Variants in SDK2 observed in about 807,000 individuals in gnomAD.
SDK2 encodes the protein sidekick cell adhesion molecule 2, also known as protein sidekick-2.
Under a neutral mutation model 253.9 loss-of-function variants are expected in SDK2, and 105 were observed. The observed-to-expected ratio is 0.41, with a 90% CI of 0.35 to 0.49. The LOEUF is 0.49. Among genes scored for constraint, SDK2 ranks in the 20% least tolerant of loss-of-function variants. The pLI, the probability that SDK2 is intolerant of heterozygous loss-of-function variation, is 0.06. For missense variants in SDK2, 2,608 were observed against 3,003.0 expected, an observed-to-expected ratio of 0.87 and a Z score of 3.07; for synonymous variants, 1,249 against 1,234.9, an observed-to-expected ratio of 1.01 and a Z score of -0.24.
intron 1 of SDK2, among the ~76,000 whole-genome samples, chr17:73,576,938 CGCCAAGGATACA>C (rs2045465722): frequency 6.6e-6 from 1 of 152,202 alleles, no homozygotes; most frequent in African/African-American, 2.4e-5. Context: ...CCATGGGAAT[CGCCAAGGATACA>C]CTGTGGCCTC....
chr17:73,366,857 A>G (rs1374247583), intron 37 of SDK2, among the ~76,000 whole-genome samples: 1 of 151,908 alleles, frequency 6.6e-6, no homozygotes, highest in African/African-American at 2.4e-5. Flanking sequence ...GCCACCCTTC[A>G]GCCTCCCGAT....
At chr17:73,470,226 C>T (rs1304005833) in intron 3 of SDK2, among the ~76,000 whole-genome samples, 3 of 152,080 alleles carry the variant, frequency 2.0e-5, no homozygotes, top group South Asian at 4.1e-4. Flanking sequence ...CTCTCAAATA[C>T]ACAGGTGAGA....
At position 73,379,650 on chromosome 17, in the gene SDK2, AC is replaced by A; in HGVS notation, c.4763-102del. ...GAGGCTGCAGGGGGAGGAATGAGGC[AC>A]CCCCGCCATTCTAGCCCCCTCTGTG... On this transcript the variant is annotated intron_variant, in intron 34 of 44. Coordinates refer to ENST00000392650, the MANE Select transcript of SDK2 (RefSeq NM_001144952.2). The surrounding 1 kb of genome is among the most constrained non-coding windows in gnomAD (Gnocchi z 4.5). The A allele has an allele frequency of 1.4e-6, 1 of 691,272 alleles. No individual in the cohort carries two copies. Among genetic ancestry groups the A allele is most frequent in the Non-Finnish European group, 2.4e-6 (1 of 410,056 alleles). The allele number at this position is 691,272 out of a possible 1,614,324, so 42.8% of individuals were successfully genotyped here.
chr17:73,562,132 A>G (rs60386110), intron 1 of SDK2, among the ~76,000 whole-genome samples: 2,809 of 152,288 alleles, frequency 0.018, 103 homozygotes, highest in African/African-American at 0.064. Context: ...TCTCAAAAAA[A>G]AGACAAATAA....
intron 1 of SDK2, among the ~76,000 whole-genome samples, chr17:73,615,855 C>T (rs1327343264): frequency 2.0e-5 from 3 of 152,182 alleles, no homozygotes; most frequent in African/African-American, 7.2e-5. Flanking sequence ...CACACAATAA[C>T]ATACAACACA....
chr17:73,542,196 C>T (rs1057501734), intron 1 of SDK2, among the ~76,000 whole-genome samples: 2 of 152,216 alleles, frequency 1.3e-5, no homozygotes, highest in African/African-American at 4.8e-5. Flanking sequence ...CTCTGTCTGA[C>T]CCTCCACGCT....
At chr17:73,579,960 A>G (rs2045511000) in intron 1 of SDK2, among the ~76,000 whole-genome samples, 1 of 151,276 alleles carries the variant, frequency 6.6e-6, no homozygotes, top group Admixed American at 6.6e-5. Context: ...CCTGGGGGAC[A>G]AGAGCGAAAC....
intron 1 of SDK2, among the ~76,000 whole-genome samples, chr17:73,633,369 C>T (rs767563905): frequency 1.3e-5 from 2 of 152,128 alleles, no homozygotes; most frequent in South Asian, 2.1e-4. Flanking sequence ...GCTGCATGGC[C>T]GGATACCCCA....
At chr17:73,627,594 C>T (rs746207604) in intron 1 of SDK2, among the ~76,000 whole-genome samples, 2 of 152,214 alleles carry the variant, frequency 1.3e-5, no homozygotes, top group Admixed American at 6.5e-5. Context: ...GAGCCCTAGG[C>T]GGACAGGTCA....
intron 1 of SDK2, among the ~76,000 whole-genome samples, chr17:73,546,876 G>T (rs1415011637): frequency 6.6e-6 from 1 of 152,264 alleles, no homozygotes; most frequent in Admixed American, 6.5e-5. Context: ...TCAGAGAGGT[G>T]CAGGGATGGT....
At chr17:73,494,379 C>T (rs1167998651) in intron 2 of SDK2, among the ~76,000 whole-genome samples, 1 of 152,144 alleles carries the variant, frequency 6.6e-6, no homozygotes, top group Non-Finnish European at 1.5e-5. Context: ...CTAGTTTCCC[C>T]TGCCTGCCCC....
At chr17:73,478,331 T>G (rs1298937646) in intron 2 of SDK2, among the ~76,000 whole-genome samples, 2 of 152,182 alleles carry the variant, frequency 1.3e-5, no homozygotes, top group African/African-American at 2.4e-5. Context: ...TATTGAGGAA[T>G]CTTCCGGGTG....
chr17:73,572,668 G>A (rs923259244), intron 1 of SDK2, among the ~76,000 whole-genome samples: 1 of 152,216 alleles, frequency 6.6e-6, no homozygotes, highest in Admixed American at 6.5e-5. Flanking sequence ...TAGGCACACA[G>A]CAGGCAGTCC....
chr17:73,350,506 GTGT>G, intron 42 of SDK2, 131 bp from the exon 43 acceptor site: 3 of 1,425,442 alleles, frequency 2.1e-6, no homozygotes, highest in Non-Finnish European at 2.8e-6. Flanking sequence ...TTGAGATTGT[GTGT>G]AGAAACCCTA....
intron 1 of SDK2, among the ~76,000 whole-genome samples, chr17:73,543,662 T>C (rs1226474205): frequency 6.6e-6 from 1 of 152,218 alleles, no homozygotes; most frequent in Non-Finnish European, 1.5e-5. Flanking sequence ...CTGGCCCAGG[T>C]TGGTGCATGG....
At chr17:73,457,304 C>CT (rs1323427378) in intron 3 of SDK2, among the ~76,000 whole-genome samples, 1 of 49,702 alleles carries the variant, frequency 2.0e-5, no homozygotes, top group Non-Finnish European at 3.5e-5. Flanking sequence ...CCTCCCTCCC[C>CT]CTCCCCCCCT....
chr17:73,501,335 C>T (rs564973733), intron 2 of SDK2, among the ~76,000 whole-genome samples: 1 of 152,102 alleles, frequency 6.6e-6, no homozygotes, highest in Admixed American at 6.5e-5. Flanking sequence ...TTCCTCCCCC[C>T]CACCACCTGT....
At chr17:73,432,454 G>A (rs534013340) in intron 10 of SDK2, among the ~76,000 whole-genome samples, 1 of 152,074 alleles carries the variant, frequency 6.6e-6, no homozygotes, top group Non-Finnish European at 1.5e-5. Flanking sequence ...CTGGGTGGAT[G>A]TGTTTATTTC....
At chr17:73,440,063 G>A (rs1367522257) in intron 6 of SDK2, among the ~76,000 whole-genome samples, 2 of 151,870 alleles carry the variant, frequency 1.3e-5, no homozygotes, top group African/African-American at 2.4e-5. Context: ...GGAAGGGCTC[G>A]GGTGGCTCCT....
Sources: gnomAD v4.1 joint callset for allele counts (sites outside exome capture counted in the v4.1 genomes callset) on GRCh38, gnomAD v4.1.1 for gene constraint, Gnocchi (gnomAD v3.1) non-coding constraint, MANE v1.5 for transcripts, NCBI Gene and HGNC (gene_info 2026-07-23, HGNC 2026-07-21) for gene names.